ACOXL: variants seen among roughly 807,000 people sequenced by gnomAD.
ACOXL encodes the protein acyl-CoA oxidase like.
ACOXL carries 70 observed loss-of-function variants against 71.9 expected under a neutral mutation model. The ratio of observed to expected loss-of-function variants is 0.97; its 90% CI spans 0.80 to 1.19. The LOEUF is 1.19. Among genes scored for constraint, ACOXL ranks in the 50% most tolerant of loss-of-function variants. ACOXL has a pLI of 0.00. For synonymous variants in ACOXL, 253 were observed against 281.6 expected, an observed-to-expected ratio of 0.90 and a Z score of 1.02; for missense variants, 703 against 736.3, an observed-to-expected ratio of 0.95 and a Z score of 0.52.
At chr2:110,949,349 C>G (rs2061238218) in intron 12 of ACOXL, among the ~76,000 whole-genome samples, 1 of 151,766 alleles carries the variant, frequency 6.6e-6, no homozygotes, top group South Asian at 2.1e-4. Flanking sequence ...TCAAGAGTCT[C>G]ATTTTTCCCG....
At chr2:110,901,308 G>A (rs1450472319) in intron 10 of ACOXL, among the ~76,000 whole-genome samples, 1 of 152,190 alleles carries the variant, frequency 6.6e-6, no homozygotes, top group East Asian at 1.9e-4. Context: ...TTGCAGGTTT[G>A]GGGGTGCTCT....
chr2:110,955,885 C>T (rs1303019943), intron 12 of ACOXL, among the ~76,000 whole-genome samples: 1 of 151,836 alleles, frequency 6.6e-6, no homozygotes, highest in Non-Finnish European at 1.5e-5. Flanking sequence ...TTTATTTTCT[C>T]ACAGAACCTC....
At chr2:110,915,350 ATG>A (rs3059185) in intron 11 of ACOXL, among the ~76,000 whole-genome samples, 45,383 of 113,076 alleles carry the variant, frequency 0.4, 8,734 homozygotes, top group South Asian at 0.52. Flanking sequence ...ATATATATAT[ATG>A]TGTGTGTGTG....
intron 12 of ACOXL, chr2:110,968,274 T>C: frequency 8.5e-7 from 1 of 1,180,092 alleles, no homozygotes; most frequent in Non-Finnish European, 1.3e-6. Context: ...GCTATTTGGA[T>C]GCAGGCCTTG....
chr2:110,988,629 C>T (rs1373308070), intron 13 of ACOXL, among the ~76,000 whole-genome samples: 3 of 151,782 alleles, frequency 2.0e-5, no homozygotes, highest in African/African-American at 7.3e-5. Context: ...AAATTTACAC[C>T]CCCATTAGCA....
chr2:111,027,668 C>G (rs1247992946), intron 14 of ACOXL, among the ~76,000 whole-genome samples: 1 of 152,112 alleles, frequency 6.6e-6, no homozygotes, highest in Non-Finnish European at 1.5e-5. Flanking sequence ...ATATAATTAT[C>G]TTAAAATCAT....
chr2:110,894,732 A>G (rs1462337727), intron 10 of ACOXL, among the ~76,000 whole-genome samples: 1 of 152,150 alleles, frequency 6.6e-6, no homozygotes, highest in Admixed American at 6.5e-5. Context: ...GGCCAACTAG[A>G]GTTAGAACTG....
chr2:110,853,911 TTG>T (rs1692923026), intron 10 of ACOXL, among the ~76,000 whole-genome samples: 3 of 94,106 alleles, frequency 3.2e-5, no homozygotes, highest in Admixed American at 1.3e-4. Context: ...TCTAGGACAC[TTG>T]TTTTTTTTTT....
At chr2:110,780,104 A>T (rs372742751) in intron 2 of ACOXL, among the ~76,000 whole-genome samples, 2 of 152,244 alleles carry the variant, frequency 1.3e-5, no homozygotes, top group East Asian at 1.9e-4. Flanking sequence ...CATACTATAT[A>T]AAAATCCCTA....
Position 110,867,098 on chromosome 2 carries a change from A to G in ACOXL, c.788+25693A>G, listed in dbSNP as rs560883476. 1.6e-4 allele frequency among the ~76,000 whole-genome samples: 24 copies of G among 152,208 alleles called. 1 individual carries two copies. Among genetic ancestry groups the G allele is most frequent in the African/African-American group, 2.4e-4 (10 of 41,538 alleles). On this transcript the variant is annotated intron_variant, in intron 10 of 17. Transcript: ENST00000439055. ...GGAGGAGGGAAGGGACAGCATTCCT[A>G]TAAGAGGGCCCAGCAGAGTGTCCTG...
intron 3 of ACOXL, among the ~76,000 whole-genome samples, chr2:110,787,080 G>A (rs561185515): frequency 2.6e-5 from 4 of 151,970 alleles, no homozygotes; most frequent in African/African-American, 7.3e-5. Context: ...TAGGGGTGGC[G>A]GGGGGAGGGA....
At chr2:111,027,444 C>T (rs2065067036) in intron 14 of ACOXL, among the ~76,000 whole-genome samples, 1 of 151,878 alleles carries the variant, frequency 6.6e-6, no homozygotes, top group Admixed American at 6.6e-5. Context: ...GCCTCAGCCT[C>T]CCGGGTAGCT....
intron 2 of ACOXL, among the ~76,000 whole-genome samples, chr2:110,770,646 T>C (rs1434419730): frequency 6.6e-6 from 1 of 152,224 alleles, no homozygotes; most frequent in African/African-American, 2.4e-5. Context: ...AGCATCCATT[T>C]AGAGCTGTGA....
chr2:110,874,826 G>T (rs1208661685), intron 10 of ACOXL, among the ~76,000 whole-genome samples: 1 of 152,136 alleles, frequency 6.6e-6, no homozygotes, highest in African/African-American at 2.4e-5. Flanking sequence ...CTCCATCCCG[G>T]ATCTCGTGAA....
intron 17 of ACOXL, chr2:111,100,916 T>A (rs1429369340): frequency 6.6e-6 from 1 of 152,664 alleles, no homozygotes; most frequent in Non-Finnish European, 1.5e-5. Context: ...TCTGCTCAAG[T>A]CTAAAATGAC....
In ACOXL at chr2:111,087,934, C is replaced by T. The variant is rs186939540; in HGVS notation, c.1441-4931C>T. 9.1e-4 allele frequency among the ~76,000 whole-genome samples: 139 copies of T among 152,200 alleles called. 1 individual carries two copies. Among genetic ancestry groups the T allele is most frequent in the African/African-American group, 3.0e-3 (124 of 41,558 alleles). The stretch of plus-strand genomic sequence containing the variant: ...TCTAATATCCAGCATCTCTAAGGAA[C>T]TTAAATTTATAAGACAAAAACAAAC... On this transcript the variant is annotated intron_variant, in intron 16 of 17. Transcript: ENST00000439055.
rs1384877578 is a variant in ACOXL at position 110,742,679 on chromosome 2, G to GCCAA, written c.-23+9905_-23+9906insCCAA. 1.3e-4 allele frequency among the ~76,000 whole-genome samples: 20 copies of GCCAA among 152,210 alleles called. No homozygotes were observed. The South Asian group carries it at 4.1e-3, about 32-fold the overall frequency. ...TCTTTTCTATCACACCAAGGCTTGG[G>GCCAA]GCTTTCCTGAACTCTCAATAGTAAT... On this transcript the variant is annotated intron_variant, in intron 1 of 17. Coordinates refer to ENST00000439055, the MANE Select transcript of ACOXL (RefSeq NM_001142807.4).
At chr2:110,917,641 A>T (rs1386399726) in intron 11 of ACOXL, among the ~76,000 whole-genome samples, 1 of 152,246 alleles carries the variant, frequency 6.6e-6, no homozygotes, top group Non-Finnish European at 1.5e-5. Context: ...ACATGATTGT[A>T]TATGTAGAAA....
intron 9 of ACOXL, among the ~76,000 whole-genome samples, chr2:110,821,499 G>T (rs527564793): frequency 1.7e-4 from 26 of 152,266 alleles, no homozygotes; most frequent in African/African-American, 5.8e-4. Flanking sequence ...CACCTTTGAA[G>T]CTAAGAGGGA....
Sources: gnomAD v4.1 joint callset for allele counts (sites outside exome capture counted in the v4.1 genomes callset) on GRCh38, gnomAD v4.1.1 for gene constraint, MANE v1.5 for transcripts, NCBI Gene and HGNC (gene_info 2026-07-23, HGNC 2026-07-21) for gene names.